Variants in SGCZ observed in about 807,000 individuals in gnomAD.
SGCZ encodes the protein sarcoglycan zeta.
A neutral mutation model predicts 41.3 loss-of-function variants in SGCZ; 40 were observed. That is an observed-to-expected ratio of 0.97 (90% CI 0.75 to 1.26). The LOEUF (loss-of-function observed/expected upper bound fraction) is 1.26, where lower values mean the gene tolerates loss of function less well. Among genes scored for constraint, SGCZ ranks in the 50% most tolerant of loss-of-function variants. The probability of loss-of-function intolerance (pLI) is 0.00; values close to 1 mark genes in which losing one functional copy is unlikely to be tolerated. For missense variants in SGCZ, 552 were observed against 369.8 expected, an observed-to-expected ratio of 1.49 and a Z score of -4.04; for synonymous variants, 206 against 137.5, an observed-to-expected ratio of 1.50 and a Z score of -3.49.
At chr8:15,109,585 T>C (rs1806968050) in intron 1 of SGCZ, among the ~76,000 whole-genome samples, 1 of 152,126 alleles carries the variant, frequency 6.6e-6, no homozygotes, top group Admixed American at 6.6e-5. Flanking sequence ...TTCTACTAGA[T>C]AATCAAATAA....
At chr8:14,730,363 T>A (rs1011179786) in intron 1 of SGCZ, among the ~76,000 whole-genome samples, 38 of 151,954 alleles carry the variant, frequency 2.5e-4, no homozygotes, top group African/African-American at 8.5e-4. Context: ...TGGGGTGGAG[T>A]GAGGAGACGG....
intron 3 of SGCZ, among the ~76,000 whole-genome samples, chr8:14,251,744 C>T (rs1799293861): frequency 6.6e-6 from 1 of 152,004 alleles, no homozygotes; most frequent in South Asian, 2.1e-4. Flanking sequence ...GAAAAAAATT[C>T]CATTATGTTA....
chr8:15,147,577 T>C (rs1400209268), intron 1 of SGCZ, among the ~76,000 whole-genome samples: 1 of 152,176 alleles, frequency 6.6e-6, no homozygotes, highest in Non-Finnish European at 1.5e-5. Flanking sequence ...CGTACCCGGC[T>C]GACACTTCCG....
intron 4 of SGCZ, among the ~76,000 whole-genome samples, chr8:14,210,932 A>C (rs1234112266): frequency 6.6e-6 from 1 of 152,210 alleles, no homozygotes; most frequent in Non-Finnish European, 1.5e-5. Flanking sequence ...AGCCAGTCAA[A>C]GACCATTCTT....
chr8:14,223,069 C>T (rs1426157446), intron 4 of SGCZ, among the ~76,000 whole-genome samples: 2 of 151,992 alleles, frequency 1.3e-5, no homozygotes. Context: ...CTCGGCCTCC[C>T]AAAGTGCTGG....
At chr8:14,912,735 T>A (rs1045775256) in intron 1 of SGCZ, among the ~76,000 whole-genome samples, 1 of 152,100 alleles carries the variant, frequency 6.6e-6, no homozygotes, top group Non-Finnish European at 1.5e-5. Flanking sequence ...GGAAATTTGA[T>A]GCACCACTCT....
chr8:14,590,867 T>G (rs1438385474), intron 1 of SGCZ, among the ~76,000 whole-genome samples: 1 of 148,692 alleles, frequency 6.7e-6, no homozygotes, highest in Non-Finnish European at 1.5e-5. Flanking sequence ...TCATATATTA[T>G]AAAGTACTTA....
intron 1 of SGCZ, among the ~76,000 whole-genome samples, chr8:15,183,470 T>G (rs1800237047): frequency 6.6e-6 from 1 of 152,220 alleles, no homozygotes; most frequent in Non-Finnish European, 1.5e-5. Flanking sequence ...AACTTCACTC[T>G]ATGGCACTTG....
intron 1 of SGCZ, among the ~76,000 whole-genome samples, chr8:14,761,943 C>A (rs1157710229): frequency 6.6e-6 from 1 of 152,156 alleles, no homozygotes; most frequent in Non-Finnish European, 1.5e-5. Context: ...AGAGTCAGAA[C>A]TGCACCAATT....
At chr8:14,378,694 G>A (rs1260248006) in intron 2 of SGCZ, among the ~76,000 whole-genome samples, 1 of 152,180 alleles carries the variant, frequency 6.6e-6, no homozygotes, top group African/African-American at 2.4e-5. Flanking sequence ...GGCATCTGCA[G>A]TAGGGACAGT....
chr8:15,176,647 T>C (rs1800008436), intron 1 of SGCZ, among the ~76,000 whole-genome samples: 1 of 152,210 alleles, frequency 6.6e-6, no homozygotes, highest in East Asian at 1.9e-4. Flanking sequence ...TTAGAAAAAT[T>C]AACAAATACA....
intron 2 of SGCZ, among the ~76,000 whole-genome samples, chr8:14,484,476 G>A (rs7841626): frequency 0.91 from 137,502 of 151,916 alleles, 63,591 homozygotes; most frequent in East Asian, 1. Context: ...GCATTGATGT[G>A]ATTTTTAAAA....
intron 5 of SGCZ, among the ~76,000 whole-genome samples, chr8:14,152,234 C>G (rs1468356004): frequency 6.6e-6 from 1 of 151,540 alleles, no homozygotes; most frequent in Non-Finnish European, 1.5e-5. Flanking sequence ...AAAACCATAA[C>G]AAAAAAAACT....
At chr8:15,219,644 G>A (rs1801525413) in intron 1 of SGCZ, among the ~76,000 whole-genome samples, 1 of 152,120 alleles carries the variant, frequency 6.6e-6, no homozygotes, top group Non-Finnish European at 1.5e-5. Context: ...GAGTAGCTGA[G>A]ATATTTACCG....
chr8:14,499,787 T>C (rs1802096953), intron 2 of SGCZ, among the ~76,000 whole-genome samples: 1 of 144,564 alleles, frequency 6.9e-6, no homozygotes, highest in African/African-American at 2.4e-5. Flanking sequence ...ATCAACTGCC[T>C]TCCTTTGGCA....
chr8:14,203,397 A>G lies in SGCZ; in HGVS notation c.424+34195T>C, dbSNP rs143801617. On this transcript the variant is annotated intron_variant, in intron 4 of 7. Transcript: ENST00000382080. ...AAGCTAATTATTTACCTTGGCTAAC[A>G]TAGAATGTTTTTATGTTTTTAATAC... Among the ~76,000 whole-genome samples the G allele has an allele frequency of 3.2e-4, 49 of 152,330 alleles. 2 individuals carry two copies. The East Asian group carries it at 6.2e-3, about 19-fold the overall frequency.
chr8:15,055,672 C>A (rs1211057533), intron 1 of SGCZ, among the ~76,000 whole-genome samples: 2 of 152,224 alleles, frequency 1.3e-5, no homozygotes, highest in African/African-American at 4.8e-5. Context: ...GTGCTGCTGG[C>A]TGCCACTGTC....
At chr8:14,557,729 G>C (rs1165235004) in intron 1 of SGCZ, among the ~76,000 whole-genome samples, 1 of 151,868 alleles carries the variant, frequency 6.6e-6, no homozygotes, top group Non-Finnish European at 1.5e-5. Context: ...AACACAAATA[G>C]AGAATCTCAG....
At chr8:14,841,842 A>C (rs994442452) in intron 1 of SGCZ, among the ~76,000 whole-genome samples, 1 of 152,172 alleles carries the variant, frequency 6.6e-6, no homozygotes, top group African/African-American at 2.4e-5. Flanking sequence ...ATTTTTCCCT[A>C]TCACATCAAA....
Sources: gnomAD v4.1 joint callset for allele counts (sites outside exome capture counted in the v4.1 genomes callset) on GRCh38, gnomAD v4.1.1 for gene constraint, MANE v1.5 for transcripts, NCBI Gene and HGNC (gene_info 2026-07-23, HGNC 2026-07-21) for gene names.